The following KCNIP4 variants were observed in gnomAD, a reference collection of about 807,000 sequenced individuals.
The protein encoded by KCNIP4 is Kv channel-interacting protein 4.
In KCNIP4, 12 loss-of-function variants were observed where a neutral mutation model predicts 34.0. That is an observed-to-expected ratio of 0.35 (90% CI 0.23 to 0.57). KCNIP4 has a LOEUF of 0.57. KCNIP4 is among the 20% of genes least tolerant of loss of function. KCNIP4 has a pLI of 0.83. For missense variants in KCNIP4, 238 were observed against 311.7 expected (o/e 0.76, Z 1.78); for synonymous variants, 124 against 102.2 (o/e 1.21, Z -1.29).
intron 1 of KCNIP4, among the ~76,000 whole-genome samples, chr4:21,480,878 C>G (rs1379325106): frequency 6.6e-6 from 1 of 152,134 alleles, no homozygotes; most frequent in African/African-American, 2.4e-5. Context: ...AAATATTTAA[C>G]AGTGCCAAAC....
intron 1 of KCNIP4, among the ~76,000 whole-genome samples, chr4:21,830,723 A>T (rs1722933272): frequency 6.6e-6 from 1 of 152,036 alleles, no homozygotes; most frequent in Non-Finnish European, 1.5e-5. Context: ...TTCAATACAC[A>T]TTTTCAGCAA....
intron 1 of KCNIP4, among the ~76,000 whole-genome samples, chr4:21,723,019 T>C (rs1470803510): frequency 6.6e-6 from 1 of 151,778 alleles, no homozygotes; most frequent in Non-Finnish European, 1.5e-5. Context: ...ATTCTCACTG[T>C]CTATCTACCT....
chr4:21,144,036 G>A (rs1176026423), intron 1 of KCNIP4, among the ~76,000 whole-genome samples: 1 of 152,112 alleles, frequency 6.6e-6, no homozygotes, highest in Non-Finnish European at 1.5e-5. Flanking sequence ...AAGTCTCTGT[G>A]CCTTTAACTC....
chr4:21,042,642 C>T (rs143137113), intron 1 of KCNIP4, among the ~76,000 whole-genome samples: 174 of 152,160 alleles, frequency 1.1e-3, no homozygotes, highest in African/African-American at 4.1e-3. Context: ...TTAGAGTTAA[C>T]AATAATGCAT....
At chr4:20,954,291 A>C (rs1363578200) in intron 1 of KCNIP4, among the ~76,000 whole-genome samples, 1 of 152,140 alleles carries the variant, frequency 6.6e-6, no homozygotes, top group Admixed American at 6.6e-5. Flanking sequence ...CATAGAGGAG[A>C]GTTGGAAAGA....
intron 1 of KCNIP4, among the ~76,000 whole-genome samples, chr4:21,761,139 T>C (rs1718020684): frequency 6.6e-6 from 1 of 152,140 alleles, no homozygotes; most frequent in Non-Finnish European, 1.5e-5. Context: ...TCTCACTCTG[T>C]TGCCCAGGCT....
chr4:21,573,999 C>T (rs112235863), intron 1 of KCNIP4, among the ~76,000 whole-genome samples: 12 of 152,124 alleles, frequency 7.9e-5, no homozygotes, highest in African/African-American at 2.7e-4. Context: ...TGGGTGTCAA[C>T]GGCTTGGAAG....
intron 1 of KCNIP4, among the ~76,000 whole-genome samples, chr4:21,864,744 C>T (rs1725312436): frequency 6.6e-6 from 1 of 152,162 alleles, no homozygotes; most frequent in Admixed American, 6.5e-5. Flanking sequence ...AAAGAGCTCC[C>T]AGAATCCCTC....
Position 21,381,417 on chromosome 4 carries a change from C to T in KCNIP4, c.62-498708G>A, listed in dbSNP as rs186359858. 1.1e-4 allele frequency among the ~76,000 whole-genome samples: 16 copies of T among 152,236 alleles called. No individual in the cohort carries two copies. In the East Asian group the frequency reaches 3.1e-3, roughly 29 times the overall value. On this transcript the variant is annotated intron_variant, in intron 1 of 8. Transcript: ENST00000382152. ...GATTTATCATTCATATGCTTTCATT[C>T]TCCAGGTAGTATTTTTACTCAACTT...
Position 20,964,408 on chromosome 4 carries a change from C to T in KCNIP4, c.62-81699G>A, listed in dbSNP as rs76410807. On this transcript the variant is annotated intron_variant, in intron 1 of 8. Transcript: ENST00000382152. ...TTCAAATATTTAATCATTCTGGGAG[C>T]ATCATTCTTTATGGGTGCAATCCAC... is the stretch of plus-strand genomic sequence containing the variant. 3.9e-3 allele frequency among the ~76,000 whole-genome samples: 598 copies of T among 152,260 alleles called. 5 individuals carry two copies. Among genetic ancestry groups the T allele is most frequent in the African/African-American group, 0.014 (573 of 41,550 alleles).
intron 1 of KCNIP4, among the ~76,000 whole-genome samples, chr4:20,912,831 A>T (rs1728456583): frequency 6.6e-6 from 1 of 152,174 alleles, no homozygotes; most frequent in Non-Finnish European, 1.5e-5. Context: ...ATCACAAGAG[A>T]CCATTTTATA....
chr4:21,130,306 A>G (rs1269699090), intron 1 of KCNIP4, among the ~76,000 whole-genome samples: 1 of 152,206 alleles, frequency 6.6e-6, no homozygotes, highest in Admixed American at 6.5e-5. Flanking sequence ...ATTCTAATGC[A>G]TAGCTGTGTT....
intron 1 of KCNIP4, among the ~76,000 whole-genome samples, chr4:21,178,098 A>G (rs116107453): frequency 0.013 from 2,035 of 152,214 alleles, 49 homozygotes; most frequent in African/African-American, 0.046. Flanking sequence ...CTGCAGACTT[A>G]CTTAGCATAA....
chr4:20,815,650 G>A (rs1288541343), intron 3 of KCNIP4, among the ~76,000 whole-genome samples: 1 of 152,138 alleles, frequency 6.6e-6, no homozygotes, highest in Non-Finnish European at 1.5e-5. Context: ...CTAACTTCTT[G>A]CAAAGTTCCA....
At chr4:21,178,325 C>T (rs939478705) in intron 1 of KCNIP4, among the ~76,000 whole-genome samples, 1 of 152,084 alleles carries the variant, frequency 6.6e-6, no homozygotes, top group Non-Finnish European at 1.5e-5. Flanking sequence ...AAAACATAAA[C>T]ATTGGTTGGA....
intron 1 of KCNIP4, among the ~76,000 whole-genome samples, chr4:21,863,283 T>C (rs151250772): frequency 8.6e-5 from 12 of 139,822 alleles, no homozygotes; most frequent in African/African-American, 3.0e-4. Flanking sequence ...TTTTGGCAGA[T>C]GGTCTATTTA....
At chr4:21,672,553 C>T (rs1011464347) in intron 1 of KCNIP4, among the ~76,000 whole-genome samples, 1 of 152,152 alleles carries the variant, frequency 6.6e-6, no homozygotes. Flanking sequence ...TGTGTTTTTA[C>T]ATATTTTTCA....
chr4:20,843,472 G>A (rs1436875046), intron 3 of KCNIP4, among the ~76,000 whole-genome samples: 1 of 152,178 alleles, frequency 6.6e-6, no homozygotes, highest in Non-Finnish European at 1.5e-5. Context: ...GCTCATGCTT[G>A]TAATCCCAGC....
At chr4:21,594,674 G>GA (rs1387796428) in intron 1 of KCNIP4, among the ~76,000 whole-genome samples, 3 of 151,898 alleles carry the variant, frequency 2.0e-5, no homozygotes, top group African/African-American at 7.3e-5. Flanking sequence ...ATCTCAGGAA[G>GA]AAAAATGCTG....
Sources: gnomAD v4.1 joint callset for allele counts (sites outside exome capture counted in the v4.1 genomes callset) on GRCh38, gnomAD v4.1.1 for gene constraint, MANE v1.5 for transcripts, NCBI Gene and HGNC (gene_info 2026-07-23, HGNC 2026-07-21) for gene names.